DYNC2H1: variants seen among roughly 807,000 people sequenced by gnomAD.
DYNC2H1 encodes the protein cytoplasmic dynein 2 heavy chain 1.
Under a neutral mutation model 570.0 loss-of-function variants are expected in DYNC2H1, and 410 were observed. That is an observed-to-expected ratio of 0.72 (90% CI 0.66 to 0.78). The LOEUF is 0.78. Ranked by LOEUF, DYNC2H1 falls within the 30% of genes least tolerant of loss-of-function variation. The pLI is 0.00. For synonymous variants in DYNC2H1, 1,688 were observed against 1,677.6 expected (o/e 1.01, Z -0.15); for missense variants, 4,865 against 5,046.4 (o/e 0.96, Z 1.09).
rs1455822660 is a variant in DYNC2H1 at position 103,277,082 on chromosome 11, TA to T, written c.10696-3264del. On this transcript the variant is annotated intron_variant, in intron 70 of 88. Transcript: ENST00000375735. The surrounding 1 kb of genome is among the most constrained non-coding windows in gnomAD (Gnocchi z 4.3). ...AATTACAAGTTATTCATGCTCTTTG[TA>T]ATAGCCAAATAATGTATACATATAA... is the stretch of plus-strand genomic sequence containing the variant. Among the ~76,000 whole-genome samples, 1 of 152,098 alleles carries T rather than the reference TA, an allele frequency of 6.6e-6. No homozygotes were observed. Among genetic ancestry groups the T allele is most frequent in the African/African-American group, 2.4e-5 (1 of 41,444 alleles).
chr11:103,278,404 C>A (rs1046954561), intron 70 of DYNC2H1, among the ~76,000 whole-genome samples: 1 of 151,960 alleles, frequency 6.6e-6, no homozygotes, highest in Non-Finnish European at 1.5e-5. Flanking sequence ...TAAAATAATG[C>A]AGTGAGGTAG....
intron 1 of DYNC2H1, among the ~76,000 whole-genome samples, chr11:103,113,202 A>G (rs1313523547): frequency 6.6e-6 from 1 of 152,122 alleles, no homozygotes; most frequent in Non-Finnish European, 1.5e-5. Context: ...CATCTGTACT[A>G]TTACTGATTC....
chr11:103,401,590 G>T (rs1302005767), intron 84 of DYNC2H1, among the ~76,000 whole-genome samples: 1 of 152,124 alleles, frequency 6.6e-6, no homozygotes, highest in South Asian at 2.1e-4. Context: ...GCCTGTTTGA[G>T]TTCTATTCTA....
At chr11:103,282,267 A>G in intron 72 of DYNC2H1, 38 bp downstream of exon 72, 1 of 1,591,426 alleles carries the variant, frequency 6.3e-7, no homozygotes, top group South Asian at 1.1e-5. Flanking sequence ...GCTCTTAAAG[A>G]AAATATTTCT....
In DYNC2H1 at chr11:103,207,728, CA is replaced by C. The variant is rs1862996448; in HGVS notation, c.8455-2146del. On this transcript the variant is annotated intron_variant, in intron 52 of 88. Coordinates refer to ENST00000375735, the MANE Select transcript of DYNC2H1 (RefSeq NM_001377.3). Reference sequence around the variant, plus strand: ...ATCATGGAGTTCAGTAGAGGCCAAACAACATAGTTGTGTGTTTTTTTCTCAA... The same window carrying C: ...ATCATGGAGTTCAGTAGAGGCCAAACACATAGTTGTGTGTTTTTTTCTCAA... Among the ~76,000 whole-genome samples, 3 of 152,156 alleles carry C rather than the reference CA, an allele frequency of 2.0e-5. No individual in the cohort carries two copies. The South Asian group carries it at 6.2e-4, about 32-fold the overall frequency.
At chr11:103,320,383 C>A (rs1041238916) in intron 80 of DYNC2H1, among the ~76,000 whole-genome samples, 1 of 152,078 alleles carries the variant, frequency 6.6e-6, no homozygotes, top group African/African-American at 2.4e-5. Context: ...GCCTGGGTGA[C>A]AGAGTGAGAC....
At chr11:103,457,335 G>A (rs1337550018) in intron 87 of DYNC2H1, among the ~76,000 whole-genome samples, 1 of 152,072 alleles carries the variant, frequency 6.6e-6, no homozygotes, top group East Asian at 1.9e-4. Context: ...CCTCAGGCAG[G>A]TCCTTCAGGA....
intron 83 of DYNC2H1, among the ~76,000 whole-genome samples, chr11:103,366,640 G>A (rs1007929378): frequency 2.0e-5 from 3 of 152,160 alleles, no homozygotes; most frequent in Admixed American, 1.3e-4. Context: ...CAGATCTGCT[G>A]CTTACAGATG....
intron 17 of DYNC2H1, among the ~76,000 whole-genome samples, chr11:103,139,502 A>G (rs887427988): frequency 2.0e-5 from 3 of 152,028 alleles, no homozygotes; most frequent in African/African-American, 7.3e-5. Context: ...CAGGTTGTTC[A>G]GTTTCCATGT....
intron 85 of DYNC2H1, among the ~76,000 whole-genome samples, chr11:103,436,306 C>T (rs1176359860): frequency 2.6e-5 from 4 of 151,460 alleles, no homozygotes; most frequent in South Asian, 2.1e-4. Context: ...ATCACATAGA[C>T]GGTAACTGAC....
chr11:103,432,672 G>GAT (rs34522453), intron 84 of DYNC2H1, among the ~76,000 whole-genome samples: 1 of 31,872 alleles, frequency 3.1e-5, no homozygotes, highest in African/African-American at 2.3e-4. Context: ...AAAAAAAATT[G>GAT]AGAAATGCTC....
chr11:103,184,331 A>G (rs1327014108), intron 40 of DYNC2H1, among the ~76,000 whole-genome samples: 1 of 151,948 alleles, frequency 6.6e-6, no homozygotes, highest in Non-Finnish European at 1.5e-5. Context: ...GGTTCTCCGT[A>G]AATATTTATA....
Position 103,170,085 on chromosome 11 carries a change from G to T in DYNC2H1, c.4969-23G>T. ...ATGTTGAATAGAACATGAATACTCT[G>T]ACTTTGTGTTGTTCTTGTATAGGGT... On this transcript the variant is annotated intron_variant, in intron 32 of 88. Transcript: ENST00000375735. This position sits in a 1 kb window ranked among gnomAD's most constrained non-coding sequence, Gnocchi z 4.8. 1 of 1,578,430 alleles carries T rather than the reference G, an allele frequency of 6.3e-7. No homozygotes were observed. Among genetic ancestry groups the T allele is most frequent in the South Asian group, 1.2e-5 (1 of 83,444 alleles).
chr11:103,323,862 T>C, intron 81 of DYNC2H1, 24 bp from the exon 82 acceptor site: 1 of 1,568,814 alleles, frequency 6.4e-7, no homozygotes, highest in Non-Finnish European at 8.7e-7. Context: ...TTAAAAAAAC[T>C]GTTTTTCACT....
In DYNC2H1 at chr11:103,243,864, T is replaced by G; in HGVS notation, c.9918+73T>G. On this transcript the variant is annotated intron_variant, in intron 64 of 88. Coordinates refer to ENST00000375735, the MANE Select transcript of DYNC2H1 (RefSeq NM_001377.3). The surrounding 1 kb of genome is among the most constrained non-coding windows in gnomAD (Gnocchi z 4.8). ...AGTGAAAAGATCTTGGAGTCTATAA[T>G]CAGAAAACATAGATTCAACACTGGG... 2 of 1,204,116 alleles carry G rather than the reference T, an allele frequency of 1.7e-6. No homozygotes were observed. 74.6% of individuals were successfully genotyped at this position (1,204,116 alleles called of 1,614,324 possible). A position where few individuals can be genotyped will look rare whatever the true frequency, so the allele number is the denominator to read the frequency against.
chr11:103,244,915 G>A lies in DYNC2H1; in HGVS notation c.9919-336G>A, dbSNP rs1056121423. 6.7e-6 allele frequency among the ~76,000 whole-genome samples: 1 copy of A among 150,188 alleles called. No homozygotes were observed. The highest frequency in any genetic ancestry group is 1.5e-5 in the Non-Finnish European group (1 of 67,360). Reference sequence around the variant, plus strand: ...TACACACACACATACACACGCCTGGGGTGATGTTTAAAACTACTCCTTCCC... The same window carrying A: ...TACACACACACATACACACGCCTGGAGTGATGTTTAAAACTACTCCTTCCC... On this transcript the variant is annotated intron_variant, in intron 64 of 88. Coordinates refer to ENST00000375735, the MANE Select transcript of DYNC2H1 (RefSeq NM_001377.3). This position sits in a 1 kb window ranked among gnomAD's most constrained non-coding sequence, Gnocchi z 4.3.
intron 55 of DYNC2H1, among the ~76,000 whole-genome samples, chr11:103,216,146 T>C (rs1279226103): frequency 1.3e-5 from 2 of 152,226 alleles, no homozygotes; most frequent in African/African-American, 4.8e-5. Flanking sequence ...TTTCTTATAC[T>C]CTGCCATTTA....
At chr11:103,459,419 A>G (rs962829809) in intron 87 of DYNC2H1, among the ~76,000 whole-genome samples, 6 of 150,988 alleles carry the variant, frequency 4.0e-5, no homozygotes, top group South Asian at 2.1e-4. Flanking sequence ...TCATTTATTT[A>G]TATTTGTTGT....
At chr11:103,263,528 A>C (rs1865395227) in intron 70 of DYNC2H1, among the ~76,000 whole-genome samples, 1 of 152,220 alleles carries the variant, frequency 6.6e-6, no homozygotes, top group South Asian at 2.1e-4. Flanking sequence ...AACACAGTGC[A>C]ATCAAATTAG....
Sources: allele counts gnomAD v4.1 joint callset (sites outside exome capture counted in the v4.1 genomes callset), GRCh38; gene constraint gnomAD v4.1.1; non-coding constraint Gnocchi (gnomAD v3.1); transcripts MANE v1.5; gene names NCBI Gene and HGNC (gene_info 2026-07-23, HGNC 2026-07-21).